SIK3: variants seen among roughly 807,000 people sequenced by gnomAD.
SIK3 encodes SIK family kinase 3, also known as serine/threonine-protein kinase SIK3.
A neutral mutation model predicts 144.2 loss-of-function variants in SIK3; 28 were observed. That is an observed-to-expected ratio of 0.19 (90% confidence interval 0.14 to 0.27). SIK3 has a LOEUF of 0.27. SIK3 is among the 10% of genes least tolerant of loss of function. The pLI, the probability that SIK3 is intolerant of heterozygous loss-of-function variation, is 1.00. For missense variants in SIK3, 1,319 were observed against 1,776.0 expected (o/e 0.74, Z 4.62); for synonymous variants, 686 against 676.3 (o/e 1.01, Z -0.22).
chr11:116,927,967 T>C (rs149356276), intron 3 of SIK3, among the ~76,000 whole-genome samples: 1 of 152,350 alleles, frequency 6.6e-6, no homozygotes, highest in African/African-American at 2.4e-5. Flanking sequence ...GCGATATACC[T>C]ACATCTTTAT....
chr11:116,915,586 G>C (rs1186460936), intron 4 of SIK3, among the ~76,000 whole-genome samples: 2 of 151,968 alleles, frequency 1.3e-5, no homozygotes, highest in South Asian at 4.2e-4. Flanking sequence ...TATAGATACG[G>C]ATATGTGTGT....
chr11:116,967,780 A>T (rs1299818872), intron 1 of SIK3, among the ~76,000 whole-genome samples: 1 of 152,200 alleles, frequency 6.6e-6, no homozygotes, highest in Non-Finnish European at 1.5e-5. Context: ...GATGTTTATG[A>T]TACCAGACTA....
chr11:116,984,800 C>T (rs1394472311), intron 1 of SIK3, among the ~76,000 whole-genome samples: 1 of 152,142 alleles, frequency 6.6e-6, no homozygotes, highest in Non-Finnish European at 1.5e-5. Context: ...TTTGTGGTTT[C>T]TTCTCATAAC....
chr11:116,935,138 G>A (rs1471741772), intron 3 of SIK3, among the ~76,000 whole-genome samples: 2 of 151,548 alleles, frequency 1.3e-5, no homozygotes, highest in East Asian at 1.9e-4. Context: ...CTGGTAATCT[G>A]TTGAGAGGCT....
At chr11:117,023,621 A>AAAAATATATATATATATATAT (rs754624841) in intron 1 of SIK3, among the ~76,000 whole-genome samples, 11 of 95,392 alleles carry the variant, frequency 1.2e-4, no homozygotes, top group Non-Finnish European at 1.5e-4. Context: ...AAAAAAAAAA[A>AAAAATATATATATATATATAT]ATATATATAT....
At chr11:116,926,838 T>C (rs1947301027) in intron 4 of SIK3, among the ~76,000 whole-genome samples, 1 of 152,010 alleles carries the variant, frequency 6.6e-6, no homozygotes, top group African/African-American at 2.4e-5. Flanking sequence ...CTGCCCAACA[T>C]GGCAAAACCC....
chr11:117,031,735 G>C (rs1203314875), intron 1 of SIK3, among the ~76,000 whole-genome samples: 1 of 137,438 alleles, frequency 7.3e-6, no homozygotes, highest in Non-Finnish European at 1.5e-5. Context: ...TAGAGACGGG[G>C]TTTCACCATG....
chr11:116,961,655 T>C (rs1406315275), intron 1 of SIK3, among the ~76,000 whole-genome samples: 2 of 152,180 alleles, frequency 1.3e-5, no homozygotes, highest in African/African-American at 2.4e-5. Context: ...AGCAGAAAAC[T>C]TCCAACATGT....
chr11:117,091,200 CTTT>C (rs386375011), intron 1 of SIK3, among the ~76,000 whole-genome samples: 3 of 93,004 alleles, frequency 3.2e-5, no homozygotes, highest in South Asian at 4.0e-4. Context: ...TTTTTTTTTT[CTTT>C]TTTTTTTTTT....
chr11:117,037,175 A>T (rs910204919), intron 1 of SIK3, among the ~76,000 whole-genome samples: 1 of 152,156 alleles, frequency 6.6e-6, no homozygotes, highest in African/African-American at 2.4e-5. Context: ...TGCTGCAAAA[A>T]AGGGAAAAAC....
chr11:116,982,930 C>A (rs1362460168), intron 1 of SIK3, among the ~76,000 whole-genome samples: 1 of 105,154 alleles, frequency 9.5e-6, no homozygotes, highest in Non-Finnish European at 1.7e-5. Context: ...GGTGACGGTA[C>A]GAGACTCCGT....
intron 4 of SIK3, among the ~76,000 whole-genome samples, chr11:116,903,332 T>C (rs192004310): frequency 3.3e-5 from 5 of 152,334 alleles, no homozygotes; most frequent in Admixed American, 2.6e-4. Context: ...TGTTGATAGT[T>C]TAGTGATGTA....
chr11:116,913,108 GT>G (rs1166764254), intron 4 of SIK3, among the ~76,000 whole-genome samples: 2 of 151,908 alleles, frequency 1.3e-5, no homozygotes, highest in Non-Finnish European at 2.9e-5. Flanking sequence ...CAAAGGATGA[GT>G]TTCAAAGTTC....
intron 1 of SIK3, among the ~76,000 whole-genome samples, chr11:116,992,013 G>C (rs909919868): frequency 6.6e-6 from 1 of 151,880 alleles, no homozygotes; most frequent in Non-Finnish European, 1.5e-5. Flanking sequence ...GTCTTTCTAC[G>C]TATTTAGACA....
In SIK3 at chr11:116,898,902, T is replaced by G. The variant is rs890048055; in HGVS notation, c.617-1585A>C. Among the ~76,000 whole-genome samples, 1,301 of 146,744 alleles carry G rather than the reference T, an allele frequency of 8.9e-3. 6 individuals carry two copies. Among genetic ancestry groups the G allele is most frequent in the Non-Finnish European group, 0.014 (930 of 66,172 alleles). On this transcript the variant is annotated intron_variant, in intron 4 of 24. Coordinates refer to ENST00000445177, the MANE Select transcript of SIK3 (RefSeq NM_001366686.3). ...TGTCAGATGAGTAGGTTGCGAAAAT[T>G]TTCTCCCATTTTGTAGGTTGCCTGT...
chr11:116,929,245 C>T (rs1233709577), intron 3 of SIK3, among the ~76,000 whole-genome samples: 3 of 152,172 alleles, frequency 2.0e-5, no homozygotes, highest in Non-Finnish European at 4.4e-5. Flanking sequence ...GTTTTAGTTG[C>T]TAAACCTTGT....
chr11:116,977,536 G>A (rs972506672), intron 1 of SIK3, among the ~76,000 whole-genome samples: 1 of 152,294 alleles, frequency 6.6e-6, no homozygotes, highest in East Asian at 1.9e-4. Context: ...TCAGGTCTGT[G>A]TGTAATTATT....
At chr11:116,848,918 G>C (rs751425787) in intron 22 of SIK3, among the ~76,000 whole-genome samples, 3 of 152,092 alleles carry the variant, frequency 2.0e-5, no homozygotes, top group Non-Finnish European at 4.4e-5. Context: ...AGCTGATATC[G>C]CGCCACTGTC....
At chr11:116,999,388 TA>T (rs905935686) in intron 1 of SIK3, among the ~76,000 whole-genome samples, 6 of 152,168 alleles carry the variant, frequency 3.9e-5, no homozygotes, top group Non-Finnish European at 5.9e-5. Flanking sequence ...CAATTCTTTC[TA>T]AAAAAAATTT....
Sources: allele counts gnomAD v4.1 joint callset (sites outside exome capture counted in the v4.1 genomes callset), GRCh38; gene constraint gnomAD v4.1.1; transcripts MANE v1.5; gene names NCBI Gene and HGNC (gene_info 2026-07-23, HGNC 2026-07-21).